The following EFR3A variants were observed in gnomAD, a reference collection of about 807,000 sequenced individuals.
EFR3A encodes the protein EFR3 homolog A, also known as protein EFR3 homolog A.
A neutral mutation model predicts 104.4 loss-of-function variants in EFR3A; 76 were observed. That is an observed-to-expected ratio of 0.73 (90% CI 0.60 to 0.88). The LOEUF (loss-of-function observed/expected upper bound fraction) is 0.88. Among genes scored for constraint, EFR3A ranks in the 40% least tolerant of loss-of-function variants. The pLI is 0.00. For missense variants in EFR3A, 985 were observed against 1,012.5 expected, an observed-to-expected ratio of 0.97 and a Z score of 0.37; for synonymous variants, 330 against 330.0, an observed-to-expected ratio of 1.00 and a Z score of 0.00.
intron 2 of EFR3A, among the ~76,000 whole-genome samples, chr8:131,942,709 G>A (rs1470197913): frequency 6.6e-6 from 1 of 152,110 alleles, no homozygotes; most frequent in Non-Finnish European, 1.5e-5. Context: ...AGAAGAACAT[G>A]TAGTTGGAAC....
At chr8:131,931,470 A>G (rs374351681) in intron 1 of EFR3A, among the ~76,000 whole-genome samples, 2 of 152,022 alleles carry the variant, frequency 1.3e-5, no homozygotes, top group Admixed American at 6.6e-5. Flanking sequence ...GTCATTTTCT[A>G]TTGTTACTAT....
chr8:131,969,174 C>T (rs10505583), intron 9 of EFR3A, among the ~76,000 whole-genome samples: 18,499 of 152,032 alleles, frequency 0.12, 1,241 homozygotes, highest in South Asian at 0.22. Context: ...TCAAAAATTA[C>T]GATATTTTAC....
intron 8 of EFR3A, among the ~76,000 whole-genome samples, chr8:131,960,167 CT>C (rs1184688316): frequency 3.3e-5 from 5 of 152,260 alleles, no homozygotes; most frequent in Admixed American, 2.0e-4. Context: ...GGAGTTTAGA[CT>C]AAGGGACTTT....
chr8:131,963,636 A>G (rs1819527894), intron 8 of EFR3A, among the ~76,000 whole-genome samples: 1 of 152,250 alleles, frequency 6.6e-6, no homozygotes, highest in Non-Finnish European at 1.5e-5. Context: ...GATTTCTACC[A>G]GAGGTACAAG....
chr8:131,914,943 T>TGATA (rs1260741630), intron 1 of EFR3A, among the ~76,000 whole-genome samples: 1 of 152,160 alleles, frequency 6.6e-6, no homozygotes, highest in African/African-American at 2.4e-5. Flanking sequence ...TTGCTAAGGA[T>TGATA]GATAGCCTCC....
At chr8:131,966,471 C>G (rs1234594881) in intron 8 of EFR3A, among the ~76,000 whole-genome samples, 3 of 152,090 alleles carry the variant, frequency 2.0e-5, no homozygotes, top group Admixed American at 6.6e-5. Flanking sequence ...TCACAAGTCA[C>G]AAATTGAAAA....
intron 1 of EFR3A, among the ~76,000 whole-genome samples, chr8:131,910,938 G>A (rs1368443078): frequency 6.6e-6 from 1 of 152,124 alleles, no homozygotes; most frequent in East Asian, 1.9e-4. Context: ...TCCCAATATG[G>A]CCCGCAACTG....
chr8:131,985,761 C>T (rs567844646), intron 16 of EFR3A, among the ~76,000 whole-genome samples: 2 of 152,116 alleles, frequency 1.3e-5, no homozygotes, highest in South Asian at 2.1e-4. Context: ...AGCAGAGTAC[C>T]TCTTTGCTCA....
rs981493532 is a variant in EFR3A at position 131,904,152 on chromosome 8, G to A, written c.-161G>A. On this transcript the variant is annotated 5_prime_UTR_variant, in exon 1 of 23. Coordinates refer to ENST00000254624, the MANE Select transcript of EFR3A (RefSeq NM_015137.6). ...GGCGGTAGCTGTCGCCCGCTTGGTTGCGTGACCGCGGGGTCCGCGTCCGCT... is the reference window on the plus strand; with the variant it reads ...GGCGGTAGCTGTCGCCCGCTTGGTTACGTGACCGCGGGGTCCGCGTCCGCT... 2.4e-6 allele frequency: 2 copies of A among 827,762 alleles called. No individual in the cohort carries two copies. The highest frequency in any genetic ancestry group is 1.6e-6 in the Non-Finnish European group (1 of 621,792). 51.3% of individuals were successfully genotyped at this position (827,762 alleles called of 1,614,324 possible). A position where few individuals can be genotyped will look rare whatever the true frequency, so the allele number is the denominator to read the frequency against.
At chr8:132,008,245 C>T (rs2130820188) in intron 22 of EFR3A, among the ~76,000 whole-genome samples, 1 of 152,108 alleles carries the variant, frequency 6.6e-6, no homozygotes, top group Middle Eastern at 3.4e-3. Flanking sequence ...GTGGCCAAGA[C>T]AGTAGTTGTT....
intron 1 of EFR3A, among the ~76,000 whole-genome samples, chr8:131,912,483 T>C (rs1189975082): frequency 6.6e-6 from 1 of 152,208 alleles, no homozygotes. Context: ...GGCAGTGAAG[T>C]ACAGTAGAAA....
intron 8 of EFR3A, among the ~76,000 whole-genome samples, chr8:131,964,865 G>C (rs911957554): frequency 3.3e-5 from 5 of 151,388 alleles, no homozygotes; most frequent in Admixed American, 1.3e-4. Flanking sequence ...TACCAAAACA[G>C]AGATATAGAC....
chr8:131,985,654 C>T (rs998023974), intron 16 of EFR3A, among the ~76,000 whole-genome samples: 1 of 152,216 alleles, frequency 6.6e-6, no homozygotes, highest in Non-Finnish European at 1.5e-5. Flanking sequence ...AAAATGTAGA[C>T]TTGTAGTGTA....
Position 131,968,278 on chromosome 8 carries a change from T to G in EFR3A, c.856-17T>G. 6.2e-7 allele frequency: 1 copy of G among 1,611,342 alleles called. No homozygotes were observed. Among genetic ancestry groups the G allele is most frequent in the Non-Finnish European group, 8.5e-7 (1 of 1,178,504 alleles). ...ATGTACTTTTTATACATCTTTGTAC[T>G]GTTTTGTCTCCTTCAGGCTCAGTAT... On this transcript the variant is annotated splice_polypyrimidine_tract_variant and intron_variant, in intron 8 of 22. Coordinates refer to ENST00000254624, the MANE Select transcript of EFR3A (RefSeq NM_015137.6).
At chr8:131,935,330 A>G (rs1205761800) in intron 1 of EFR3A, among the ~76,000 whole-genome samples, 3 of 152,200 alleles carry the variant, frequency 2.0e-5, no homozygotes, top group Non-Finnish European at 4.4e-5. Flanking sequence ...TATGCCTGAC[A>G]TGCATAACAA....
chr8:131,986,210 C>T lies in EFR3A; in HGVS notation c.1886C>T (p.Thr629Ile), dbSNP rs1204522571. 2 of 1,588,432 alleles carry T rather than the reference C, an allele frequency of 1.3e-6. No individual in the cohort carries two copies. Among genetic ancestry groups the T allele is most frequent in the Non-Finnish European group, 1.7e-6 (2 of 1,160,826 alleles). ...QHVSKVIEIR[T>I]MEAPYFLPEH... ...ATTTTTTAGGTTATTGAAATTCGAA[C>T]TATGGAAGCCCCTTATTTTCTACCA... The change falls in exon 17 of 23, where the codon ACT becomes ATT. Residue 629 changes from threonine (T) to isoleucine (I), a missense_variant. Physicochemically the swap from Thr to Ile is moderately conservative, Grantham distance 89 (BLOSUM62 -1). Coordinates refer to ENST00000254624, the MANE Select transcript of EFR3A (RefSeq NM_015137.6).
intron 22 of EFR3A, among the ~76,000 whole-genome samples, chr8:132,008,139 T>C (rs1383046437): frequency 6.6e-6 from 1 of 151,910 alleles, no homozygotes; most frequent in East Asian, 1.9e-4. Flanking sequence ...AGTAAGAAAA[T>C]GAAAAGGCAG....
chr8:131,919,088 T>G (rs911454081), intron 1 of EFR3A, among the ~76,000 whole-genome samples: 2 of 150,408 alleles, frequency 1.3e-5, no homozygotes, highest in South Asian at 4.2e-4. Context: ...GTCAGTGATT[T>G]TTTTTTTTTT....
intron 1 of EFR3A, among the ~76,000 whole-genome samples, chr8:131,915,432 A>G (rs1030961871): frequency 6.6e-6 from 1 of 152,124 alleles, no homozygotes; most frequent in Non-Finnish European, 1.5e-5. Flanking sequence ...TTCCTGTTGG[A>G]TTTCTCTTAG....
Sources: gnomAD v4.1 joint callset for allele counts (sites outside exome capture counted in the v4.1 genomes callset) on GRCh38, gnomAD v4.1.1 for gene constraint, MANE v1.5 for transcripts, NCBI Gene and HGNC (gene_info 2026-07-23, HGNC 2026-07-21) for gene names.